SORL1-AS1: variants seen among roughly 807,000 people sequenced by gnomAD.
SORL1-AS1 encodes the protein SORL1 antisense RNA 1.
chr11:121,451,130 C>G (rs1053252119), intron 1 of SORL1-AS1, among the ~76,000 whole-genome samples: 8 of 152,140 alleles, frequency 5.3e-5, no homozygotes, highest in Middle Eastern at 3.2e-3. Context: ...CCCTTTCAGC[C>G]CTGCTTGCTG....
chr11:121,451,254 A>C (rs1415551056), intron 1 of SORL1-AS1, among the ~76,000 whole-genome samples: 4 of 152,178 alleles, frequency 2.6e-5, no homozygotes. Context: ...CTAACCTGCA[A>C]AAAAAATATT....
At position 121,452,312 on chromosome 11, in the gene SORL1-AS1, G is replaced by A; in HGVS notation, n.339+363C>T. On this transcript the variant is annotated intron_variant and non_coding_transcript_variant, in intron 1 of 1. Transcript: ENST00000501964. This position sits in a 1 kb window ranked among gnomAD's most constrained non-coding sequence, Gnocchi z 5.3. The stretch of plus-strand genomic sequence containing the variant: ...TTCTCTCCTGGCGGCGGCGCCACCT[G>A]CAGTAGCGTTCGCCCGAACATGGCG... 3 of 1,512,048 alleles carry A rather than the reference G, an allele frequency of 2.0e-6. No homozygotes were observed. Among genetic ancestry groups the A allele is most frequent in the Non-Finnish European group, 8.8e-7 (1 of 1,133,190 alleles). The allele number at this position is 1,512,048 out of a possible 1,614,324, so 93.7% of individuals were successfully genotyped here.
chr11:121,442,219 A>G, the SORL1-AS1 span, among the ~76,000 whole-genome samples: 1 of 152,212 alleles, frequency 6.6e-6, no homozygotes, highest in South Asian at 2.1e-4. Flanking sequence ...ATTGCACCTT[A>G]CTTGAATGTG....
chr11:121,442,594 C>G (rs1310005057), downstream of SORL1-AS1, among the ~76,000 whole-genome samples: 1 of 151,548 alleles, frequency 6.6e-6, no homozygotes, highest in Non-Finnish European at 1.5e-5. Flanking sequence ...GAGATGGTGC[C>G]ACTGTACTCC....
downstream of SORL1-AS1, among the ~76,000 whole-genome samples, chr11:121,442,641 T>TCTTTTA (rs1555041786): frequency 7.8e-6 from 1 of 127,590 alleles, no homozygotes; most frequent in East Asian, 2.3e-4. Flanking sequence ...TCTCTCTCTC[T>TCTTTTA]TTTATTTATT....
At chr11:121,451,527 G>C (rs1328938580) in intron 1 of SORL1-AS1, among the ~76,000 whole-genome samples, 2 of 152,248 alleles carry the variant, frequency 1.3e-5, no homozygotes, top group African/African-American at 4.8e-5. Flanking sequence ...GTATTCATGC[G>C]TGCGTGCAAG....
At chr11:121,449,803 T>C (rs2134753067) in exon 2 of SORL1-AS1, 1 of 152,340 alleles carries the variant, frequency 6.6e-6, no homozygotes, top group Non-Finnish European at 1.5e-5. Context: ...TCCCCACAGC[T>C]AGAAAGTCAA....
the SORL1-AS1 span, among the ~76,000 whole-genome samples, chr11:121,438,499 A>G: frequency 1.3e-5 from 2 of 152,046 alleles, no homozygotes; most frequent in African/African-American, 4.8e-5. Context: ...ATTTCCATAG[A>G]TGAGTTTTTC....
the SORL1-AS1 span, among the ~76,000 whole-genome samples, chr11:121,439,959 ACATT>A: frequency 1.2e-4 from 18 of 152,176 alleles, no homozygotes; most frequent in Admixed American, 2.0e-4. Context: ...AGTGGACCAG[ACATT>A]CATTAATCTT....
At position 121,452,569 on chromosome 11, in the gene SORL1-AS1, A is replaced by C; in HGVS notation, n.339+106T>G. 2 of 1,519,928 alleles carry C rather than the reference A, an allele frequency of 1.3e-6. No homozygotes were observed. The highest frequency in any genetic ancestry group is 1.2e-5 in the South Asian group (1 of 82,366). 94.2% of individuals were successfully genotyped at this position (1,519,928 alleles called of 1,614,324 possible). Reference sequence around the variant, plus strand: ...CGCGGACGAGAAGCCGCTCCGGAGGAAACGGAGCGCTGCCCTGCAGCCCGA... The same window carrying C: ...CGCGGACGAGAAGCCGCTCCGGAGGCAACGGAGCGCTGCCCTGCAGCCCGA... On this transcript the variant is annotated intron_variant and non_coding_transcript_variant, in intron 1 of 1. Transcript: ENST00000501964. This position sits in a 1 kb window ranked among gnomAD's most constrained non-coding sequence, Gnocchi z 5.3.
chr11:121,447,634 G>T (rs1486805482), exon 2 of SORL1-AS1: 1 of 151,918 alleles, frequency 6.6e-6, no homozygotes, highest in African/African-American at 2.4e-5. Context: ...TAAAACTTGC[G>T]CTCTCTCACA....
downstream of SORL1-AS1, among the ~76,000 whole-genome samples, chr11:121,442,839 C>T (rs192643454): frequency 5.4e-3 from 801 of 148,670 alleles, 8 homozygotes; most frequent in African/African-American, 0.018. Context: ...CCACCACGCC[C>T]GGCTAATTTT....
downstream of SORL1-AS1, among the ~76,000 whole-genome samples, chr11:121,446,722 G>C (rs1409244248): frequency 6.6e-6 from 1 of 150,716 alleles, no homozygotes; most frequent in Non-Finnish European, 1.5e-5. Context: ...CTGCACTCCA[G>C]CCTGGGTGAC....
downstream of SORL1-AS1, among the ~76,000 whole-genome samples, chr11:121,444,938 C>T (rs186313056): frequency 5.3e-5 from 8 of 152,242 alleles, no homozygotes; most frequent in East Asian, 1.2e-3. Context: ...CCATTGAAAA[C>T]GAAGAATTTT....
At position 121,452,783 on chromosome 11, in the gene SORL1-AS1, G is replaced by T. The variant is rs1322865974; in HGVS notation, n.231C>A. 3.6e-6 allele frequency: 2 copies of T among 548,296 alleles called. No homozygotes were observed. The highest frequency in any genetic ancestry group is 7.0e-5 in the East Asian group (2 of 28,490). 34.0% of individuals were successfully genotyped at this position (548,296 alleles called of 1,614,324 possible). On this transcript the variant is annotated non_coding_transcript_exon_variant, in exon 1 of 2. Transcript: ENST00000501964. This position sits in a 1 kb window ranked among gnomAD's most constrained non-coding sequence, Gnocchi z 5.3. The stretch of plus-strand genomic sequence containing the variant: ...GAGTACAACCGTCAGCACTTGAATC[G>T]CATTGATCTTTCCTTCTTCCTGTCG...
At chr11:121,444,799 C>A (rs144350378), downstream of SORL1-AS1, among the ~76,000 whole-genome samples, 96 of 152,194 alleles carry the variant, frequency 6.3e-4, 3 homozygotes, top group African/African-American at 2.3e-3. Context: ...AGAATAGCAG[C>A]CTTTTAGAAT....
At chr11:121,442,567 G>A (rs982415053), downstream of SORL1-AS1, among the ~76,000 whole-genome samples, 6 of 151,444 alleles carry the variant, frequency 4.0e-5, no homozygotes, top group African/African-American at 1.2e-4. Flanking sequence ...CCTGGGAGGC[G>A]GAGGTTGCAG....
exon 2 of SORL1-AS1, chr11:121,449,811 C>T (rs1860767006): frequency 6.6e-6 from 1 of 152,212 alleles, no homozygotes; most frequent in Non-Finnish European, 1.5e-5. Context: ...GCTAGAAAGT[C>T]AACCTTCTGA....
the SORL1-AS1 span, among the ~76,000 whole-genome samples, chr11:121,441,530 C>CAAAAAAAAAAAAAAAAAAAAAAA: frequency 3.0e-3 from 157 of 52,316 alleles, 6 homozygotes; most frequent in Non-Finnish European, 3.6e-3. Context: ...GACTCTGTCT[C>CAAAAAAAAAAAAAAAAAAAAAAA]AAAAAAAAAA....
Sources: allele counts gnomAD v4.1 joint callset (sites outside exome capture counted in the v4.1 genomes callset), GRCh38; gene constraint gnomAD v4.1.1; non-coding constraint Gnocchi (gnomAD v3.1); transcripts MANE v1.5; gene names NCBI Gene and HGNC (gene_info 2026-07-23, HGNC 2026-07-21).